Variants in ATF6 observed in about 807,000 individuals in gnomAD.
ATF6 encodes the protein activating transcription factor 6, also known as cyclic AMP-dependent transcription factor ATF-6 alpha.
In ATF6, 53 loss-of-function variants were observed where a neutral mutation model predicts 83.6. That is an observed-to-expected ratio of 0.63 (90% CI 0.51 to 0.80). ATF6 has a LOEUF of 0.80. Ranked by LOEUF, ATF6 falls within the 30% of genes least tolerant of loss-of-function variation. ATF6 has a pLI of 0.00. For missense variants in ATF6, 744 were observed against 797.9 expected (o/e 0.93, Z 0.81); for synonymous variants, 288 against 285.8 (o/e 1.01, Z -0.08).
intron 9 of ATF6, among the ~76,000 whole-genome samples, chr1:161,834,377 A>G (rs1425522056): frequency 1.3e-5 from 2 of 152,080 alleles, no homozygotes; most frequent in Non-Finnish European, 2.9e-5. Context: ...GAACCAACCC[A>G]AATGTCCAAC....
chr1:161,815,016 A>G lies in ATF6; in HGVS notation c.910-4617A>G, dbSNP rs1382121942. Among the ~76,000 whole-genome samples the G allele has an allele frequency of 3.9e-5, 6 of 152,078 alleles. No homozygotes were observed. The South Asian group carries it at 1.2e-3, about 31-fold the overall frequency. On this transcript the variant is annotated intron_variant, in intron 7 of 15. Coordinates refer to ENST00000367942, the MANE Select transcript of ATF6 (RefSeq NM_007348.4). ...ATCAGTAATGGCTTCCACTTTATCT[A>G]TCAGTTTAGAGGGCAAGATTCAGCC...
rs561856039 is a variant in ATF6, at chr1:161,792,140, A to G, written c.501A>G (p.Pro167=). The G allele has an allele frequency of 1.2e-6, 2 of 1,613,934 alleles. No homozygotes were observed. Among genetic ancestry groups the G allele is most frequent in the Admixed American group, 1.7e-5 (1 of 60,018 alleles). Reference sequence around the variant, plus strand: ...TTTCTCCAGAAAATGGACTGACTCCAAAGAAAAAAATTCAGGTGAATTCAA... The same window carrying G: ...TTTCTCCAGAAAATGGACTGACTCCGAAGAAAAAAATTCAGGTGAATTCAA... ...PRNKTENGLT[P]KKKIQVNSKP... Residue 167 remains proline, a synonymous_variant, in exon 6 of 16, where the codon CCA becomes CCG. Transcript: ENST00000367942.
chr1:161,936,517 C>G (rs1200450381), intron 15 of ATF6, among the ~76,000 whole-genome samples: 1 of 152,096 alleles, frequency 6.6e-6, no homozygotes, highest in Non-Finnish European at 1.5e-5. Context: ...AAACATGTCT[C>G]TGTTCTACCC....
At chr1:161,789,505 T>G (rs1684830337) in intron 4 of ATF6, among the ~76,000 whole-genome samples, 1 of 152,122 alleles carries the variant, frequency 6.6e-6, no homozygotes, top group Admixed American at 6.5e-5. Context: ...AAATTTTTTT[T>G]TCAGTGGATT....
Position 161,956,799 on chromosome 1 carries a change from A to G in ATF6, c.1805-1647A>G, listed in dbSNP as rs139213429. 3.2e-3 allele frequency among the ~76,000 whole-genome samples: 495 copies of G among 152,350 alleles called. 5 individuals carry two copies. The highest frequency in any genetic ancestry group is 0.025 in the South Asian group (119 of 4,824). ...CAGAAGTGGAGGAATTATGTATTCT[A>G]TTGGATTTAAAATAGAATATATCAT... On this transcript the variant is annotated intron_variant, in intron 15 of 15. Transcript: ENST00000367942.
chr1:161,829,087 C>T (rs972319288), intron 9 of ATF6, among the ~76,000 whole-genome samples: 4 of 151,230 alleles, frequency 2.6e-5, no homozygotes, highest in Non-Finnish European at 5.9e-5. Flanking sequence ...AGCTAACTAT[C>T]GTAAATATAT....
chr1:161,853,715 GA>G (rs1181270073), intron 12 of ATF6, among the ~76,000 whole-genome samples: 1 of 152,190 alleles, frequency 6.6e-6, no homozygotes, highest in African/African-American at 2.4e-5. Flanking sequence ...GGGCAGTTTG[GA>G]AATGAAGACA....
At chr1:161,947,343 G>C (rs958478036) in intron 15 of ATF6, among the ~76,000 whole-genome samples, 3 of 152,236 alleles carry the variant, frequency 2.0e-5, no homozygotes, top group African/African-American at 7.2e-5. Flanking sequence ...TCTTGCTGAA[G>C]GCAGGCCAGG....
At chr1:161,948,228 T>C (rs1688793427) in intron 15 of ATF6, among the ~76,000 whole-genome samples, 1 of 152,226 alleles carries the variant, frequency 6.6e-6, no homozygotes, top group Admixed American at 6.5e-5. Context: ...TCATGAATCC[T>C]CCAGTACTTT....
intron 15 of ATF6, among the ~76,000 whole-genome samples, chr1:161,934,543 C>A (rs879516663): frequency 2.0e-5 from 3 of 152,152 alleles, no homozygotes; most frequent in Non-Finnish European, 2.9e-5. Flanking sequence ...TGTAAAGTCT[C>A]ATAATTCTAA....
chr1:161,871,830 T>G (rs1180306056), intron 14 of ATF6, among the ~76,000 whole-genome samples: 1 of 148,932 alleles, frequency 6.7e-6, no homozygotes, highest in African/African-American at 2.5e-5. Context: ...TCCAGAAATC[T>G]ATAGTTTTTA....
chr1:161,954,718 C>T (rs1404319866), intron 15 of ATF6, among the ~76,000 whole-genome samples: 1 of 152,184 alleles, frequency 6.6e-6, no homozygotes, highest in African/African-American at 2.4e-5. Flanking sequence ...GCTTCTCCAA[C>T]CCTCTGGGCA....
intron 15 of ATF6, among the ~76,000 whole-genome samples, chr1:161,928,354 T>C (rs138590375): frequency 2.0e-5 from 3 of 152,178 alleles, no homozygotes; most frequent in Admixed American, 6.5e-5. Flanking sequence ...TACATAAATA[T>C]TTAATACTGA....
intron 15 of ATF6, among the ~76,000 whole-genome samples, chr1:161,921,694 A>G (rs1191632789): frequency 6.6e-6 from 1 of 152,126 alleles, no homozygotes; most frequent in Non-Finnish European, 1.5e-5. Flanking sequence ...ATTGGTGGGT[A>G]TTTTTGTGTA....
intron 15 of ATF6, among the ~76,000 whole-genome samples, chr1:161,914,826 C>T (rs1174358569): frequency 6.6e-6 from 1 of 152,134 alleles, no homozygotes; most frequent in Admixed American, 6.5e-5. Flanking sequence ...CTTCCTGGCT[C>T]CTTTCTTAGG....
At chr1:161,811,464 C>T (rs1019909493) in intron 7 of ATF6, among the ~76,000 whole-genome samples, 13 of 152,058 alleles carry the variant, frequency 8.5e-5, no homozygotes, top group Admixed American at 5.2e-4. Context: ...GTATACACTG[C>T]GGTTGTGTGT....
At chr1:161,786,246 A>G (rs1399603684) in intron 4 of ATF6, among the ~76,000 whole-genome samples, 1 of 152,086 alleles carries the variant, frequency 6.6e-6, no homozygotes, top group Non-Finnish European at 1.5e-5. Flanking sequence ...CGGCCCCCCA[A>G]AGTGCTTGGG....
chr1:161,793,199 A>C (rs1465602616), intron 6 of ATF6, among the ~76,000 whole-genome samples: 1 of 152,222 alleles, frequency 6.6e-6, no homozygotes, highest in Admixed American at 6.5e-5. Context: ...TGATAAATTT[A>C]ATTTCCAGAT....
In ATF6 at chr1:161,858,688, A is replaced by G. The variant is rs188638562; in HGVS notation, c.1534-1519A>G. Among the ~76,000 whole-genome samples, 351 of 152,314 alleles carry G rather than the reference A, an allele frequency of 2.3e-3. 3 individuals are homozygous for G. Among genetic ancestry groups the G allele is most frequent in the African/African-American group, 7.8e-3 (325 of 41,576 alleles). ...TAACTGGAGATTTTAACATCCTCTCATTTCTGTGTAAATGCCTCTCACATT... is the reference window on the plus strand; with the variant it reads ...TAACTGGAGATTTTAACATCCTCTCGTTTCTGTGTAAATGCCTCTCACATT... On this transcript the variant is annotated intron_variant, in intron 12 of 15. Transcript: ENST00000367942.
Sources: gnomAD v4.1 joint callset for allele counts (sites outside exome capture counted in the v4.1 genomes callset) on GRCh38, gnomAD v4.1.1 for gene constraint, MANE v1.5 for transcripts, NCBI Gene and HGNC (gene_info 2026-07-23, HGNC 2026-07-21) for gene names.